Variants in MAPKAP1 observed in about 807,000 individuals in gnomAD.
MAPKAP1 encodes the protein target of rapamycin complex 2 subunit MAPKAP1.
A neutral mutation model predicts 65.7 loss-of-function variants in MAPKAP1; 20 were observed. That is an observed-to-expected ratio of 0.30 (90% CI 0.21 to 0.44). The LOEUF is 0.44. Among genes scored for constraint, MAPKAP1 ranks in the 20% least tolerant of loss-of-function variants. The pLI is 1.00. For synonymous variants in MAPKAP1, 222 were observed against 244.3 expected (o/e 0.91, Z 0.85); for missense variants, 423 against 648.0 (o/e 0.65, Z 3.77).
chr9:125,701,028 C>T (rs1190828674), intron 1 of MAPKAP1, among the ~76,000 whole-genome samples: 1 of 152,192 alleles, frequency 6.6e-6, no homozygotes, highest in Non-Finnish European at 1.5e-5. Flanking sequence ...GTAGTGGTTC[C>T]TGACCTGCCA....
chr9:125,543,101 G>A lies in MAPKAP1; in HGVS notation c.916C>T (p.Leu306=). Residue 306 remains leucine (L), a synonymous_variant, in exon 7 of 12, where the codon CTG becomes TTG. Transcript: ENST00000265960. ...CCTTTTCTTCGCTTCACTGCCTTCA[G>A]TAAGATTTCCTTCATGGTAACCTTT... ...NTKVTMKEIL[L]KAVKRRKGSQ... is the part of the protein sequence containing the mutation. 6.2e-7 allele frequency: 1 copy of A among 1,613,946 alleles called. No homozygotes were observed. Among genetic ancestry groups the A allele is most frequent in the South Asian group, 1.1e-5 (1 of 91,082 alleles).
At chr9:125,451,959 G>A (rs1589200688) in intron 10 of MAPKAP1, among the ~76,000 whole-genome samples, 1 of 152,036 alleles carries the variant, frequency 6.6e-6, no homozygotes, top group East Asian at 1.9e-4. Context: ...ACAGGCGCCT[G>A]CCACCACGCC....
chr9:125,672,671 T>C, intron 1 of MAPKAP1, 28 bp from the exon 2 acceptor site: 1 of 1,379,638 alleles, frequency 7.2e-7, no homozygotes, highest in Non-Finnish European at 1.0e-6. Flanking sequence ...ACAGCAAATA[T>C]TTAAGAATAA....
At chr9:125,692,205 T>C (rs942555700) in intron 1 of MAPKAP1, among the ~76,000 whole-genome samples, 1 of 152,124 alleles carries the variant, frequency 6.6e-6, no homozygotes, top group Non-Finnish European at 1.5e-5. Flanking sequence ...CACACGAAAA[T>C]TTGTATACAA....
At chr9:125,587,577 A>G (rs1425511534) in intron 4 of MAPKAP1, among the ~76,000 whole-genome samples, 2 of 152,094 alleles carry the variant, frequency 1.3e-5, no homozygotes, top group Admixed American at 1.3e-4. Flanking sequence ...AACAAAAACA[A>G]ACAAACAAAC....
intron 10 of MAPKAP1, among the ~76,000 whole-genome samples, chr9:125,445,894 T>C (rs1451251363): frequency 1.3e-5 from 2 of 151,912 alleles, no homozygotes; most frequent in African/African-American, 4.9e-5. Flanking sequence ...CAGTATTCAG[T>C]AAACCTTCCT....
In MAPKAP1 at chr9:125,592,819, C is replaced by T. The variant is rs554097042; in HGVS notation, c.499-7092G>A. 4.1e-5 allele frequency among the ~76,000 whole-genome samples: 6 copies of T among 147,662 alleles called. No individual in the cohort carries two copies. The South Asian group carries it at 1.3e-3, about 32-fold the overall frequency. On this transcript the variant is annotated intron_variant, in intron 4 of 11. Transcript: ENST00000265960. ...TCAGGAGGCTGAGGCAGGAGAATGG[C>T]GTGAACCCTGGAGGCGGAGCTTGCA... is the stretch of plus-strand genomic sequence containing the variant.
At position 125,670,441 on chromosome 9, in the gene MAPKAP1, T is replaced by C. The variant is rs149050332; in HGVS notation, c.260-534A>G. 1.3e-4 allele frequency among the ~76,000 whole-genome samples: 20 copies of C among 152,332 alleles called. No homozygotes were observed. The East Asian group carries it at 3.8e-3, about 29-fold the overall frequency. On this transcript the variant is annotated intron_variant, in intron 2 of 11. Coordinates refer to ENST00000265960, the MANE Select transcript of MAPKAP1 (RefSeq NM_001006617.3). ...TTAGCATAGCTTTTCTTCAGTGGGC[T>C]GAAACAGTTTATAGGTAGTAAAATA...
chr9:125,639,011 G>C (rs1177740997), intron 4 of MAPKAP1, among the ~76,000 whole-genome samples: 1 of 152,158 alleles, frequency 6.6e-6, no homozygotes, highest in Non-Finnish European at 1.5e-5. Context: ...GGCTGAGACG[G>C]GCGGACCACC....
Position 125,438,867 on chromosome 9 carries a change from A to G in MAPKAP1, c.*20T>C, listed in dbSNP as rs1230412929. ...AGGCAGGCTCTGAGCTACGGAACAG[A>G]TTGAGGCTGGAGGCCAGTGTCACTG... On this transcript the variant is annotated 3_prime_UTR_variant, in exon 12 of 12. Transcript: ENST00000265960. 9.9e-6 allele frequency: 16 copies of G among 1,613,966 alleles called. No individual in the cohort carries two copies. The highest frequency in any genetic ancestry group is 1.4e-5 in the Non-Finnish European group (16 of 1,179,984).
Position 125,622,394 on chromosome 9 carries a change from A to G in MAPKAP1, c.498+35257T>C, listed in dbSNP as rs553730561. 6.6e-5 allele frequency among the ~76,000 whole-genome samples: 10 copies of G among 152,346 alleles called. No individual in the cohort carries two copies. The East Asian group carries it at 1.3e-3, about 21-fold the overall frequency. ...ATGCATTGCATACACATATCAAAAT[A>G]TCACTATGTACCCCCATAAATATGT... is the stretch of plus-strand genomic sequence containing the variant. On this transcript the variant is annotated intron_variant, in intron 4 of 11. Transcript: ENST00000265960.
At position 125,559,730 on chromosome 9, in the gene MAPKAP1, T is replaced by C. The variant is rs1418872657; in HGVS notation, c.751A>G (p.Asn251Asp). 6.2e-7 allele frequency: 1 copy of C among 1,613,940 alleles called. No homozygotes were observed. Among genetic ancestry groups the C allele is most frequent in the Non-Finnish European group, 8.5e-7 (1 of 1,179,876 alleles). ...VDTDFPPLDSNEPIHKFGFST... is the reference protein window; with the variant it reads ...VDTDFPPLDSDEPIHKFGFST... ...AAGCCAAACTTATGAATGGGCTCAT[T>C]GGAATCCAGCGGGGGGAAATCGGTG... The change falls in exon 6 of 12, where the codon AAT (asparagine) becomes GAT (aspartate). Residue 251 changes from asparagine (N) to aspartate (D), a missense_variant. Around this residue, in one of 6 missense-constraint regions of MAPKAP1, gnomAD observed 98 missense variants for 200.5 expected, o/e 0.49. Transcript: ENST00000265960.
chr9:125,634,308 T>C (rs1203200567), intron 4 of MAPKAP1, among the ~76,000 whole-genome samples: 1 of 152,208 alleles, frequency 6.6e-6, no homozygotes, highest in African/African-American at 2.4e-5. Flanking sequence ...ACAGATTTAT[T>C]GCCTCCAGAC....
At chr9:125,494,662 TCATTC>T (rs1854872998) in intron 8 of MAPKAP1, among the ~76,000 whole-genome samples, 1 of 152,242 alleles carries the variant, frequency 6.6e-6, no homozygotes, top group Non-Finnish European at 1.5e-5. Flanking sequence ...ACACTCTCCC[TCATTC>T]CATTCCATTT....
intron 8 of MAPKAP1, among the ~76,000 whole-genome samples, chr9:125,486,331 T>C (rs1305105028): frequency 6.6e-6 from 1 of 152,118 alleles, no homozygotes; most frequent in Non-Finnish European, 1.5e-5. Flanking sequence ...CCATCACCAG[T>C]GCAGGGGGTA....
chr9:125,461,459 A>G (rs1853490916), intron 10 of MAPKAP1, among the ~76,000 whole-genome samples: 1 of 152,130 alleles, frequency 6.6e-6, no homozygotes, highest in Non-Finnish European at 1.5e-5. Context: ...TGTCATATCC[A>G]CTCAGGCCCA....
rs143168671 is a variant in MAPKAP1 at position 125,480,128 on chromosome 9, G to A, written c.1207+4315C>T. On this transcript the variant is annotated intron_variant, in intron 9 of 11. Transcript: ENST00000265960. ...TGGGTTTTTGTTGTTGTTAGAATGT[G>A]AGGGTGATATCTGCTTTGTAAGGAG... is the stretch of plus-strand genomic sequence containing the variant. Among the ~76,000 whole-genome samples the A allele has an allele frequency of 1.2e-3, 188 of 152,308 alleles. 2 individuals carry two copies. Among genetic ancestry groups the A allele is most frequent in the African/African-American group, 4.3e-3 (178 of 41,568 alleles).
At chr9:125,517,008 A>C (rs1006851585) in intron 7 of MAPKAP1, among the ~76,000 whole-genome samples, 2 of 152,180 alleles carry the variant, frequency 1.3e-5, no homozygotes, top group African/African-American at 4.8e-5. Context: ...CATCTTCATA[A>C]AACTCTATGC....
At chr9:125,470,683 G>A (rs1853879399) in intron 9 of MAPKAP1, among the ~76,000 whole-genome samples, 1 of 152,196 alleles carries the variant, frequency 6.6e-6, no homozygotes, top group Non-Finnish European at 1.5e-5. Context: ...GGGTTATTGT[G>A]CAGTTACTGT....
Sources: allele counts gnomAD v4.1 joint callset (sites outside exome capture counted in the v4.1 genomes callset), GRCh38; gene constraint gnomAD v4.1.1; regional missense constraint gnomAD v4.1.1; transcripts MANE v1.5; gene names NCBI Gene and HGNC (gene_info 2026-07-23, HGNC 2026-07-21).